The following CAMK2D variants were observed in gnomAD, a reference collection of about 807,000 sequenced individuals.
CAMK2D encodes the protein calcium/calmodulin-dependent protein kinase type II subunit delta.
CAMK2D carries 37 observed loss-of-function variants against 84.0 expected under a neutral mutation model. That is an observed-to-expected ratio of 0.44 (90% CI 0.34 to 0.58). The LOEUF is 0.58. Among genes scored for constraint, CAMK2D ranks in the 20% least tolerant of loss-of-function variants. CAMK2D has a pLI of 0.02. For missense variants in CAMK2D, 448 were observed against 652.5 expected, an observed-to-expected ratio of 0.69 and a Z score of 3.41; for synonymous variants, 202 against 212.5, an observed-to-expected ratio of 0.95 and a Z score of 0.43.
intron 16 of CAMK2D, among the ~76,000 whole-genome samples, chr4:113,492,120 G>T (rs1170776676): frequency 6.6e-6 from 1 of 151,906 alleles, no homozygotes; most frequent in Non-Finnish European, 1.5e-5. Context: ...TTTTTAAAGG[G>T]TTTTTTGTGT....
chr4:113,476,506 G>A (rs906029855), intron 16 of CAMK2D, among the ~76,000 whole-genome samples: 1 of 151,906 alleles, frequency 6.6e-6, no homozygotes, highest in Non-Finnish European at 1.5e-5. Flanking sequence ...TTTACTTTAC[G>A]GTTTAACTTT....
chr4:113,558,184 C>T (rs1049266759), intron 4 of CAMK2D, among the ~76,000 whole-genome samples: 6 of 152,146 alleles, frequency 3.9e-5, no homozygotes, highest in African/African-American at 1.4e-4. Flanking sequence ...GTAGTTAAAC[C>T]ACATATACAA....
intron 4 of CAMK2D, among the ~76,000 whole-genome samples, chr4:113,566,616 G>A (rs1276909794): frequency 6.6e-6 from 1 of 152,124 alleles, no homozygotes; most frequent in Non-Finnish European, 1.5e-5. Flanking sequence ...CCTATCTCAT[G>A]TATTATTTCA....
intron 2 of CAMK2D, among the ~76,000 whole-genome samples, chr4:113,740,111 T>G (rs960469264): frequency 2.0e-5 from 3 of 152,180 alleles, no homozygotes; most frequent in African/African-American, 7.2e-5. Flanking sequence ...TTCCTTTGTA[T>G]TTCTTGAATG....
intron 16 of CAMK2D, among the ~76,000 whole-genome samples, chr4:113,499,369 C>T (rs929615092): frequency 3.3e-5 from 5 of 152,096 alleles, no homozygotes; most frequent in Admixed American, 2.0e-4. Context: ...ATAGAGAGTA[C>T]ACTTTAACAG....
At chr4:113,552,238 C>G in intron 4 of CAMK2D, 142 bp from the exon 5 acceptor site, 1 of 518,650 alleles carries the variant, frequency 1.9e-6, no homozygotes, top group Non-Finnish European at 3.5e-6. Flanking sequence ...AGACAGTGTT[C>G]GTAAGTCAAA....
chr4:113,554,949 C>T (rs1265609517), intron 4 of CAMK2D, among the ~76,000 whole-genome samples: 1 of 143,622 alleles, frequency 7.0e-6, no homozygotes, highest in Non-Finnish European at 1.5e-5. Flanking sequence ...CATTAGGGCT[C>T]ACAAGGAAAA....
chr4:113,497,389 A>AGAC, intron 16 of CAMK2D, among the ~76,000 whole-genome samples: 1 of 152,362 alleles, frequency 6.6e-6, no homozygotes, highest in South Asian at 2.1e-4. Context: ...AGTATTACAC[A>AGAC]GACTGGGGAC....
In CAMK2D at chr4:113,505,046, G is replaced by A. The variant is rs780289044; in HGVS notation, c.985-11C>T. The A allele has an allele frequency of 7.1e-6, 11 of 1,552,598 alleles. No homozygotes were observed. The highest frequency in any genetic ancestry group is 9.5e-6 in the Non-Finnish European group (11 of 1,152,048). On this transcript the variant is annotated splice_polypyrimidine_tract_variant and intron_variant, in intron 13 of 20. Transcript: ENST00000511664. The stretch of plus-strand genomic sequence containing the variant: ...GGCTTTGTTGTTTATCTGTGGGTAT[G>A]CAGAAAATAGAAACAGAGATGCCTT...
At position 113,496,489 on chromosome 4, in the gene CAMK2D, C is replaced by T. The variant is rs141089589; in HGVS notation, c.1135+3974G>A. Reference sequence around the variant, plus strand: ...TTTAAAGCAAAGTCTCACTCTGTCACCCAGGCTGGAGTGCAGAGGCACAAT... The same window carrying T: ...TTTAAAGCAAAGTCTCACTCTGTCATCCAGGCTGGAGTGCAGAGGCACAAT... On this transcript the variant is annotated intron_variant, in intron 16 of 20. Coordinates refer to ENST00000511664, the MANE Select transcript of CAMK2D (RefSeq NM_001321571.2). Among the ~76,000 whole-genome samples the T allele has an allele frequency of 4.5e-3, 669 of 147,384 alleles. 8 individuals carry two copies. Among genetic ancestry groups the T allele is most frequent in the Middle Eastern group, 0.016 (4 of 252 alleles).
At position 113,524,681 on chromosome 4, in the gene CAMK2D, G is replaced by T. The variant is rs144116500; in HGVS notation, c.601+6535C>A. On this transcript the variant is annotated intron_variant, in intron 8 of 20. Transcript: ENST00000511664. ...CAGAAGTGGGATTGCTGCATCCTGTGGCCCCAGAGAATCTGATTCAATGGT... is the reference window on the plus strand; with the variant it reads ...CAGAAGTGGGATTGCTGCATCCTGTTGCCCCAGAGAATCTGATTCAATGGT... Among the ~76,000 whole-genome samples, 33 of 152,220 alleles carry T rather than the reference G, an allele frequency of 2.2e-4. No individual in the cohort carries two copies. In the East Asian group the frequency reaches 5.2e-3, roughly 24 times the overall value.
intron 10 of CAMK2D, among the ~76,000 whole-genome samples, chr4:113,514,855 T>G (rs1448252298): frequency 1.3e-5 from 2 of 152,204 alleles, no homozygotes; most frequent in African/African-American, 4.8e-5. Context: ...GCAAGCAATA[T>G]TTATTTAAGA....
intron 16 of CAMK2D, among the ~76,000 whole-genome samples, chr4:113,495,168 C>A (rs1361697307): frequency 1.3e-5 from 2 of 152,122 alleles, no homozygotes; most frequent in Admixed American, 6.6e-5. Context: ...CTCCTCCCCC[C>A]AGTAATTTTT....
chr4:113,733,487 T>A (rs962694031), intron 2 of CAMK2D, among the ~76,000 whole-genome samples: 11 of 152,240 alleles, frequency 7.2e-5, no homozygotes, highest in African/African-American at 2.7e-4. Flanking sequence ...GTTTTTTCTC[T>A]ACTTCTTTTC....
intron 2 of CAMK2D, among the ~76,000 whole-genome samples, chr4:113,683,190 T>C (rs537655732): frequency 1.3e-5 from 2 of 152,312 alleles, no homozygotes; most frequent in African/African-American, 4.8e-5. Flanking sequence ...CTCCAGGTAA[T>C]AGGCTGTGTG....
intron 4 of CAMK2D, among the ~76,000 whole-genome samples, chr4:113,608,443 G>A (rs1001687956): frequency 2.0e-5 from 3 of 151,852 alleles, no homozygotes; most frequent in African/African-American, 2.4e-5. Flanking sequence ...TTTCTCCCCC[G>A]TTATAAAGGA....
chr4:113,509,509 T>A (rs1445397499), intron 13 of CAMK2D, 129 bp downstream of exon 13: 2 of 645,282 alleles, frequency 3.1e-6, no homozygotes, highest in African/African-American at 3.7e-5. Flanking sequence ...ATTTCATATT[T>A]CAACCTGCAA....
intron 2 of CAMK2D, among the ~76,000 whole-genome samples, chr4:113,690,993 T>C (rs193240410): frequency 9.9e-4 from 150 of 152,272 alleles, no homozygotes; most frequent in Non-Finnish European, 3.5e-4. Flanking sequence ...GATTAATTTA[T>C]TGCACTAAAG....
At chr4:113,615,209 C>A (rs1214773873) in intron 3 of CAMK2D, among the ~76,000 whole-genome samples, 1 of 152,102 alleles carries the variant, frequency 6.6e-6, no homozygotes, top group Non-Finnish European at 1.5e-5. Flanking sequence ...GGCCATCTAA[C>A]ACGCCAAGTC....
Sources: allele counts gnomAD v4.1 joint callset (sites outside exome capture counted in the v4.1 genomes callset), GRCh38; gene constraint gnomAD v4.1.1; transcripts MANE v1.5; gene names NCBI Gene and HGNC (gene_info 2026-07-23, HGNC 2026-07-21).